B3GNT8: variants seen among roughly 807,000 people sequenced by gnomAD.
B3GNT8 encodes the protein N-acetyllactosaminide beta-1,3-N-acetylglucosaminyltransferase 8.
For missense variants in B3GNT8, 502 were observed against 530.5 expected, an observed-to-expected ratio of 0.95 and a Z score of 0.53; for synonymous variants, 258 against 238.3, an observed-to-expected ratio of 1.08 and a Z score of -0.76.
In B3GNT8 at chr19:41,426,707, C is replaced by T. The variant is rs284663; in HGVS notation, c.72G>A (p.Glu24=). Residue 24 remains glutamate, a synonymous_variant, in exon 2 of 2, where the codon GAG becomes GAA. Coordinates refer to ENST00000691102, the MANE Select transcript of B3GNT8 (RefSeq NM_001385648.2). The surrounding 1 kb of genome is among the most constrained non-coding windows in gnomAD (Gnocchi z 4.9). ...TGCTGAGCCGGGACTCGGATGTCCACTCGATGTACACTTTGAGGCCCAGGA... is the reference window on the plus strand; with the variant it reads ...TGCTGAGCCGGGACTCGGATGTCCATTCGATGTACACTTTGAGGCCCAGGA... ...LTLLGLKVYI[E]WTSESRLSKA... is the part of the protein sequence containing the mutation. 0.61 allele frequency: 989,849 copies of T among 1,613,214 alleles called. 307,450 individuals carry two copies. The highest frequency in any genetic ancestry group is 0.83 in the African/African-American group (62,306 of 74,936).
chr19:41,427,482 AGAGG>A (rs933882682), upstream of B3GNT8: 24 of 154,462 alleles, frequency 1.6e-4, no homozygotes, highest in South Asian at 3.8e-4. This position sits in a 1 kb window ranked among gnomAD's most constrained non-coding sequence, Gnocchi z 5.6. Flanking sequence ...GAGGCAGGAG[AGAGG>A]GAGGGAGGGA....
chr19:41,428,336 G>A (rs1378618736), upstream of B3GNT8, among the ~76,000 whole-genome samples: 1 of 152,132 alleles, frequency 6.6e-6, no homozygotes, highest in African/African-American at 2.4e-5. This position sits in a 1 kb window ranked among gnomAD's most constrained non-coding sequence, Gnocchi z 6.1. Context: ...AGCAGCGTGG[G>A]AATCTGTTCC....
chr19:41,426,825 CAGGGG>C lies in B3GNT8; in HGVS notation c.-32-20_-32-16del. On this transcript the variant is annotated splice_polypyrimidine_tract_variant and intron_variant, in intron 1 of 1. Coordinates refer to ENST00000691102, the MANE Select transcript of B3GNT8 (RefSeq NM_001385648.2). The surrounding 1 kb of genome is among the most constrained non-coding windows in gnomAD (Gnocchi z 4.9). ...GGCCGCGGGAGCTACAAGGGAGCCA[CAGGGG>C]AGCCACGGAGGCCATTGGGGTGTGG... The C allele has an allele frequency of 6.3e-7, 1 of 1,586,406 alleles. No individual in the cohort carries two copies. The highest frequency in any genetic ancestry group is 8.6e-7 in the Non-Finnish European group (1 of 1,168,894).
At chr19:41,428,175 G>A (rs993375143), upstream of B3GNT8, among the ~76,000 whole-genome samples, 1 of 152,022 alleles carries the variant, frequency 6.6e-6, no homozygotes, top group African/African-American at 2.4e-5. The surrounding 1 kb of genome is among the most constrained non-coding windows in gnomAD (Gnocchi z 6.1). Flanking sequence ...AGGCAGAGGC[G>A]GAGAGGGAGC....
rs1036114759 is a variant in B3GNT8, at chr19:41,427,232, G to A, written c.-33+52C>T. ...GGGTTAGAAACCCAGCCTGCCTCCC[G>A]CAACACCCCAACCCCAGGGACTGGG... On this transcript the variant is annotated intron_variant, in intron 1 of 1. Coordinates refer to ENST00000691102, the MANE Select transcript of B3GNT8 (RefSeq NM_001385648.2). This position sits in a 1 kb window ranked among gnomAD's most constrained non-coding sequence, Gnocchi z 5.6. The A allele has an allele frequency of 4.7e-5, 9 of 193,324 alleles. No homozygotes were observed. Among genetic ancestry groups the A allele is most frequent in the South Asian group, 2.4e-4 (3 of 12,724 alleles). The allele number at this position is 193,324 out of a possible 1,614,324, so 12.0% of individuals were successfully genotyped here.
Position 41,426,804 on chromosome 19 carries a change from G to A in B3GNT8, c.-26C>T, listed in dbSNP as rs763102771. ...GACCCGGCCCAGGGAAGGGGCGGCCGCGGGAGCTACAAGGGAGCCACAGGG... is the reference window on the plus strand; with the variant it reads ...GACCCGGCCCAGGGAAGGGGCGGCCACGGGAGCTACAAGGGAGCCACAGGG... On this transcript the variant is annotated 5_prime_UTR_variant, in exon 2 of 2. Transcript: ENST00000691102. The surrounding 1 kb of genome is among the most constrained non-coding windows in gnomAD (Gnocchi z 4.9). 2.4e-5 allele frequency: 39 copies of A among 1,603,650 alleles called. No homozygotes were observed. The South Asian group carries it at 4.0e-4, about 16-fold the overall frequency.
chr19:41,428,041 G>A (rs934886245), upstream of B3GNT8, among the ~76,000 whole-genome samples: 14 of 151,206 alleles, frequency 9.3e-5, no homozygotes, highest in Admixed American at 5.3e-4. This position sits in a 1 kb window ranked among gnomAD's most constrained non-coding sequence, Gnocchi z 6.1. Flanking sequence ...GAGGGGGAGG[G>A]AAATGGAGAT....
chr19:41,428,366 G>A (rs922884214), upstream of B3GNT8, among the ~76,000 whole-genome samples: 6 of 151,486 alleles, frequency 4.0e-5, no homozygotes, highest in Admixed American at 6.5e-5. The surrounding 1 kb of genome is among the most constrained non-coding windows in gnomAD (Gnocchi z 6.1). Flanking sequence ...CCCAACCTCC[G>A]GCCTGGAGCC....
Position 41,425,563 on chromosome 19 carries a change from C to T in B3GNT8, c.*22G>A. On this transcript the variant is annotated 3_prime_UTR_variant, in exon 2 of 2. Transcript: ENST00000691102. ...CCCAGAGGCCCAGGCCAGGTCAGCACCTCCGCCCTCCCCAATGAGAGTCAG... is the reference window on the plus strand; with the variant it reads ...CCCAGAGGCCCAGGCCAGGTCAGCATCTCCGCCCTCCCCAATGAGAGTCAG... The T allele has an allele frequency of 1.1e-6, 1 of 926,098 alleles. No homozygotes were observed. Among genetic ancestry groups the T allele is most frequent in the Non-Finnish European group, 1.5e-6 (1 of 682,466 alleles). 57.4% of individuals were successfully genotyped at this position (926,098 alleles called of 1,614,324 possible).
Position 41,425,532 on chromosome 19 carries a change from G to T in B3GNT8, c.*53C>A. On this transcript the variant is annotated 3_prime_UTR_variant, in exon 2 of 2. Coordinates refer to ENST00000691102, the MANE Select transcript of B3GNT8 (RefSeq NM_001385648.2). Reference sequence around the variant, plus strand: ...CCTGGAAGGAGGGGCTGAGCCAGGGGCCGGCCCCAGAGGCCCAGGCCAGGT... The same window carrying T: ...CCTGGAAGGAGGGGCTGAGCCAGGGTCCGGCCCCAGAGGCCCAGGCCAGGT... 5.0e-6 allele frequency: 7 copies of T among 1,389,844 alleles called. No individual in the cohort carries two copies. In the Admixed American group the frequency reaches 1.6e-4, roughly 32 times the overall value. 86.1% of individuals were successfully genotyped at this position (1,389,844 alleles called of 1,614,324 possible).
Position 41,425,418 on chromosome 19 carries a change from C to T in B3GNT8, c.*167G>A, listed in dbSNP as rs1054034007. ...AAGTAGGCAAAAACAGTCCACCACC[C>T]CATCTTTCCTGCCCAGGCCCCTGGC... On this transcript the variant is annotated 3_prime_UTR_variant, in exon 2 of 2. Transcript: ENST00000691102. 1.7e-5 allele frequency: 8 copies of T among 473,806 alleles called. No homozygotes were observed. The highest frequency in any genetic ancestry group is 4.0e-5 in the African/African-American group (2 of 49,422). The allele number at this position is 473,806 out of a possible 1,614,324, so 29.4% of individuals were successfully genotyped here.
At position 41,427,155 on chromosome 19, in the gene B3GNT8, C is replaced by A; in HGVS notation, c.-33+129G>T. On this transcript the variant is annotated intron_variant, in intron 1 of 1. Transcript: ENST00000691102. The surrounding 1 kb of genome is among the most constrained non-coding windows in gnomAD (Gnocchi z 5.6). Reference sequence around the variant, plus strand: ...CTTGCCGTCTATCTCCTCCCTCTCCCTCCATTTATTGCCCTCACCAGGAAA... The same window carrying A: ...CTTGCCGTCTATCTCCTCCCTCTCCATCCATTTATTGCCCTCACCAGGAAA... The A allele has an allele frequency of 3.5e-6, 1 of 286,638 alleles. No individual in the cohort carries two copies. The allele number at this position is 286,638 out of a possible 1,614,324, so 17.8% of individuals were successfully genotyped here.
rs953063513 is a variant in B3GNT8, at chr19:41,427,189, G to A, written c.-33+95C>T. 2.8e-5 allele frequency: 6 copies of A among 218,036 alleles called. No homozygotes were observed. The highest frequency in any genetic ancestry group is 1.7e-3 in the Middle Eastern group (1 of 574). 13.5% of individuals were successfully genotyped at this position (218,036 alleles called of 1,614,324 possible). ...TTGCCCTCACCAGGAAATCAGGAGC[G>A]GGATTCCTAGCTCCCTGGGGTTAGA... is the stretch of plus-strand genomic sequence containing the variant. On this transcript the variant is annotated intron_variant, in intron 1 of 1. Coordinates refer to ENST00000691102, the MANE Select transcript of B3GNT8 (RefSeq NM_001385648.2). This position sits in a 1 kb window ranked among gnomAD's most constrained non-coding sequence, Gnocchi z 5.6.
rs748786196 is a variant in B3GNT8, at chr19:41,426,507, G to GCCTGGCAGCCCCCCA, written c.271_272insTGGGGGGCTGCCAGG (p.Thr91delinsMetGlyGlyCysGlnAla). The stretch of plus-strand genomic sequence containing the variant: ...GGCCCCCCAAGCCTGGCAGCCCCCC[G>GCCTGGCAGCCCCCCA]TTTCAGTGCTGTCCCCACTGGGCAG... On this transcript the variant is annotated protein_altering_variant, in exon 2 of 2. Coordinates refer to ENST00000691102, the MANE Select transcript of B3GNT8 (RefSeq NM_001385648.2). The surrounding 1 kb of genome is among the most constrained non-coding windows in gnomAD (Gnocchi z 4.9). 6.3e-7 allele frequency: 1 copy of GCCTGGCAGCCCCCCA among 1,595,200 alleles called. No homozygotes were observed. Among genetic ancestry groups the GCCTGGCAGCCCCCCA allele is most frequent in the Non-Finnish European group, 8.5e-7 (1 of 1,170,578 alleles).
chr19:41,426,857 G>T lies in B3GNT8; in HGVS notation c.-32-47C>A. 6.9e-7 allele frequency: 1 copy of T among 1,456,812 alleles called. No individual in the cohort carries two copies. The highest frequency in any genetic ancestry group is 9.4e-7 in the Non-Finnish European group (1 of 1,065,180). 90.2% of individuals were successfully genotyped at this position (1,456,812 alleles called of 1,614,324 possible). A position where few individuals can be genotyped will look rare whatever the true frequency, so the allele number is the denominator to read the frequency against. On this transcript the variant is annotated intron_variant, in intron 1 of 1. Transcript: ENST00000691102. The surrounding 1 kb of genome is among the most constrained non-coding windows in gnomAD (Gnocchi z 4.9). Reference sequence around the variant, plus strand: ...GCCACGGAGGCCATTGGGGTGTGGGGATGGGCCTCCAGAGAGGGCCCAGCC... The same window carrying T: ...GCCACGGAGGCCATTGGGGTGTGGGTATGGGCCTCCAGAGAGGGCCCAGCC...
chr19:41,425,527 C>T lies in B3GNT8; in HGVS notation c.*58G>A. The T allele has an allele frequency of 7.3e-7, 1 of 1,369,008 alleles. No homozygotes were observed. The highest frequency in any genetic ancestry group is 9.6e-7 in the Non-Finnish European group (1 of 1,042,622). 84.8% of individuals were successfully genotyped at this position (1,369,008 alleles called of 1,614,324 possible). A position where few individuals can be genotyped will look rare whatever the true frequency, so the allele number is the denominator to read the frequency against. On this transcript the variant is annotated 3_prime_UTR_variant, in exon 2 of 2. Coordinates refer to ENST00000691102, the MANE Select transcript of B3GNT8 (RefSeq NM_001385648.2). Reference sequence around the variant, plus strand: ...CAAGACCTGGAAGGAGGGGCTGAGCCAGGGGCCGGCCCCAGAGGCCCAGGC... The same window carrying T: ...CAAGACCTGGAAGGAGGGGCTGAGCTAGGGGCCGGCCCCAGAGGCCCAGGC...
In B3GNT8 at chr19:41,426,709, C is replaced by G. The variant is rs138453114; in HGVS notation, c.70G>C (p.Glu24Gln). The change falls in exon 2 of 2, where the codon GAG becomes CAG. Residue 24 changes from glutamate to glutamine, a missense_variant. Physicochemically the swap from Glu to Gln is conservative, Grantham distance 29. Coordinates refer to ENST00000691102, the MANE Select transcript of B3GNT8 (RefSeq NM_001385648.2). This position sits in a 1 kb window ranked among gnomAD's most constrained non-coding sequence, Gnocchi z 4.9. ...LTLLGLKVYI[E>Q]WTSESRLSKA... is the part of the protein sequence containing the mutation. ...CTGAGCCGGGACTCGGATGTCCACTCGATGTACACTTTGAGGCCCAGGAGT... is the reference window on the plus strand; with the variant it reads ...CTGAGCCGGGACTCGGATGTCCACTGGATGTACACTTTGAGGCCCAGGAGT... 1 of 1,613,540 alleles carries G rather than the reference C, an allele frequency of 6.2e-7. No individual in the cohort carries two copies. Among genetic ancestry groups the G allele is most frequent in the East Asian group, 2.2e-5 (1 of 44,860 alleles).
Position 41,425,800 on chromosome 19 carries a change from C to T in B3GNT8, c.979G>A (p.Val327Met). 6.2e-7 allele frequency: 1 copy of T among 1,612,750 alleles called. No individual in the cohort carries two copies. The highest frequency in any genetic ancestry group is 8.5e-7 in the Non-Finnish European group (1 of 1,179,836). ...ACGTCCTCAAAGGGGAAGGGTGCCA[C>T]ACGGGCTGCCGCCCGCAGCAGCCAG... is the stretch of plus-strand genomic sequence containing the variant. ...APWLLRAAARVAPFPFEDVYT... is the reference protein window; with the variant it reads ...APWLLRAAARMAPFPFEDVYT... The change falls in exon 2 of 2, where the codon GTG (valine) becomes ATG (methionine). Residue 327 changes from valine (V) to methionine (M), a missense_variant. Transcript: ENST00000691102.
In B3GNT8 at chr19:41,426,698, G is replaced by C; in HGVS notation, c.81C>G (p.Ser27=). 1 of 1,613,726 alleles carries C rather than the reference G, an allele frequency of 6.2e-7. No individual in the cohort carries two copies. The highest frequency in any genetic ancestry group is 8.5e-7 in the Non-Finnish European group (1 of 1,179,934). ...LGLKVYIEWT[S]ESRLSKAYPS... Reference sequence around the variant, plus strand: ...GGTAGGCCTTGCTGAGCCGGGACTCGGATGTCCACTCGATGTACACTTTGA... The same window carrying C: ...GGTAGGCCTTGCTGAGCCGGGACTCCGATGTCCACTCGATGTACACTTTGA... Residue 27 remains serine, a synonymous_variant, in exon 2 of 2, where the codon TCC becomes TCG. Coordinates refer to ENST00000691102, the MANE Select transcript of B3GNT8 (RefSeq NM_001385648.2). This position sits in a 1 kb window ranked among gnomAD's most constrained non-coding sequence, Gnocchi z 4.9.
Sources: gnomAD v4.1 joint callset for allele counts (sites outside exome capture counted in the v4.1 genomes callset) on GRCh38, gnomAD v4.1.1 for gene constraint, Gnocchi (gnomAD v3.1) non-coding constraint, MANE v1.5 for transcripts, NCBI Gene and HGNC (gene_info 2026-07-23, HGNC 2026-07-21) for gene names.